The following SPAG6 variants were observed in gnomAD, a reference collection of about 807,000 sequenced individuals.
The protein encoded by SPAG6 is sperm associated antigen 6.
In SPAG6, 49 loss-of-function variants were observed where a neutral mutation model predicts 58.5. The observed-to-expected ratio is 0.84, with a 90% CI of 0.67 to 1.06. The LOEUF (loss-of-function observed/expected upper bound fraction) is 1.06. Ranked by LOEUF, SPAG6 falls within the 50% of genes least tolerant of loss-of-function variation. SPAG6 has a pLI of 0.00. For missense variants in SPAG6, 560 were observed against 611.3 expected (o/e 0.92, Z 0.89); for synonymous variants, 233 against 225.6 (o/e 1.03, Z -0.29).
chr10:22,346,440 T>TTCTTCTTCTTCTTCC (rs1836537279), intron 2 of SPAG6, among the ~76,000 whole-genome samples: 1 of 127,210 alleles, frequency 7.9e-6, no homozygotes. Flanking sequence ...GTTCTTCTTC[T>TTCTTCTTCTTCTTCC]TCTTCTTCTT....
intron 8 of SPAG6, among the ~76,000 whole-genome samples, chr10:22,399,251 G>A (rs537164657): frequency 1.3e-5 from 2 of 152,252 alleles, no homozygotes; most frequent in Admixed American, 1.3e-4. Context: ...TCAAATTTCA[G>A]AATATTTTCA....
chr10:22,394,034 T>A (rs547630781), intron 8 of SPAG6, among the ~76,000 whole-genome samples: 1 of 152,234 alleles, frequency 6.6e-6, no homozygotes, highest in Non-Finnish European at 1.5e-5. Context: ...ATTTCTCTCA[T>A]GTTTTCTTTG....
intron 3 of SPAG6, among the ~76,000 whole-genome samples, chr10:22,366,393 A>G (rs1837202880): frequency 6.6e-6 from 1 of 152,174 alleles, no homozygotes; most frequent in Admixed American, 6.5e-5. Context: ...AGTGGTTGCC[A>G]GGGGCTGGAA....
intron 9 of SPAG6, among the ~76,000 whole-genome samples, chr10:22,407,928 A>G (rs1173071346): frequency 1.3e-5 from 2 of 149,440 alleles, no homozygotes; most frequent in Non-Finnish European, 2.9e-5. Context: ...AGTTGATCGC[A>G]TTGGCTCCTG....
chr10:22,402,951 G>C (rs1358418309), intron 9 of SPAG6, among the ~76,000 whole-genome samples: 1 of 152,214 alleles, frequency 6.6e-6, no homozygotes, highest in African/African-American at 2.4e-5. Flanking sequence ...TTTTAGGCTA[G>C]TGAGTGAGAT....
intron 10 of SPAG6, 59 bp from the exon 11 acceptor site, chr10:22,416,560 T>A (rs530540166): frequency 9.9e-7 from 1 of 1,006,884 alleles, no homozygotes; most frequent in African/African-American, 1.6e-5. Context: ...ATATTGAATC[T>A]TATGTGCCTG....
intron 9 of SPAG6, 43 bp downstream of exon 9, chr10:22,401,320 G>T (rs1168866618): frequency 9.9e-7 from 1 of 1,014,554 alleles, no homozygotes. Flanking sequence ...AAATTAAAAT[G>T]ATTTGTTGTT....
At chr10:22,394,422 G>T (rs16922235) in intron 8 of SPAG6, among the ~76,000 whole-genome samples, 9,527 of 152,026 alleles carry the variant, frequency 0.063, 736 homozygotes, top group African/African-American at 0.18. Flanking sequence ...GTGTTCTTAC[G>T]GTAATAGTTG....
chr10:22,388,778 C>T (rs1834122179), intron 6 of SPAG6, among the ~76,000 whole-genome samples: 1 of 152,134 alleles, frequency 6.6e-6, no homozygotes, highest in Non-Finnish European at 1.5e-5. Context: ...TATTTCAAGT[C>T]CGACATTGTC....
chr10:22,411,838 A>ATTTTTTTT, intron 10 of SPAG6, among the ~76,000 whole-genome samples: 2 of 132,714 alleles, frequency 1.5e-5, no homozygotes, highest in Admixed American at 7.6e-5. Context: ...AAACAACTGA[A>ATTTTTTTT]TCTTTTTTTT....
chr10:22,356,383 G>A (rs1379599630), intron 2 of SPAG6, among the ~76,000 whole-genome samples: 3 of 152,202 alleles, frequency 2.0e-5, no homozygotes, highest in African/African-American at 7.2e-5. Context: ...GCTATACATG[G>A]TGGACCTGGA....
chr10:22,351,174 G>T (rs553116980), intron 2 of SPAG6, among the ~76,000 whole-genome samples: 1 of 152,136 alleles, frequency 6.6e-6, no homozygotes, highest in Non-Finnish European at 1.5e-5. Context: ...GAGGACTATC[G>T]TGGAGTTTGA....
intron 10 of SPAG6, among the ~76,000 whole-genome samples, chr10:22,414,899 T>C (rs1834832511): frequency 6.6e-6 from 1 of 152,214 alleles, no homozygotes; most frequent in Admixed American, 6.5e-5. Context: ...CCTGAGTAGC[T>C]GGGATTACAG....
chr10:22,358,314 T>G (rs1020257122), intron 2 of SPAG6, among the ~76,000 whole-genome samples: 1 of 152,078 alleles, frequency 6.6e-6, no homozygotes, highest in Non-Finnish European at 1.5e-5. Flanking sequence ...GTGGTTTTGA[T>G]TTGCATTTCT....
chr10:22,414,161 A>C (rs1320812558), intron 10 of SPAG6, among the ~76,000 whole-genome samples: 4 of 152,174 alleles, frequency 2.6e-5, no homozygotes, highest in Non-Finnish European at 5.9e-5. Flanking sequence ...GCTTTGGGGC[A>C]ACATCTAATT....
intron 9 of SPAG6, among the ~76,000 whole-genome samples, chr10:22,405,231 G>A: frequency 6.6e-6 from 1 of 150,944 alleles, no homozygotes; most frequent in Non-Finnish European, 1.5e-5. Flanking sequence ...CAAAGGGAAT[G>A]CTTCCAGTTT....
At chr10:22,361,690 A>G (rs1588639974) in intron 2 of SPAG6, among the ~76,000 whole-genome samples, 1 of 152,200 alleles carries the variant, frequency 6.6e-6, no homozygotes, top group Admixed American at 6.5e-5. Flanking sequence ...ACTCCGTCTC[A>G]AAAGAAAAAA....
intron 8 of SPAG6, among the ~76,000 whole-genome samples, chr10:22,397,332 G>A (rs1303459462): frequency 6.6e-6 from 1 of 152,120 alleles, no homozygotes; most frequent in Non-Finnish European, 1.5e-5. Flanking sequence ...GTCTCACTCT[G>A]TTGCCCAGGC....
At chr10:22,372,342 A>G (rs1261041886) in intron 4 of SPAG6, among the ~76,000 whole-genome samples, 1 of 152,222 alleles carries the variant, frequency 6.6e-6, no homozygotes, top group Admixed American at 6.5e-5. Context: ...CCAATATGAA[A>G]TCTGTCACTG....
Sources: gnomAD v4.1 joint callset for allele counts (sites outside exome capture counted in the v4.1 genomes callset) on GRCh38, gnomAD v4.1.1 for gene constraint, MANE v1.5 for transcripts, NCBI Gene and HGNC (gene_info 2026-07-23, HGNC 2026-07-21) for gene names.